SOX6: variants seen among roughly 807,000 people sequenced by gnomAD.
The protein encoded by SOX6 is transcription factor SOX-6.
Under a neutral mutation model 97.8 loss-of-function variants are expected in SOX6, and 11 were observed. The ratio of observed to expected loss-of-function variants is 0.11; its 90% CI spans 0.07 to 0.19. The LOEUF (loss-of-function observed/expected upper bound fraction) is 0.19, where lower values mean the gene tolerates loss of function less well. Among genes scored for constraint, SOX6 ranks in the 10% least tolerant of loss-of-function variants. The pLI is 1.00. For synonymous variants in SOX6, 360 were observed against 371.4 expected, an observed-to-expected ratio of 0.97 and a Z score of 0.35; for missense variants, 810 against 1,039.5, an observed-to-expected ratio of 0.78 and a Z score of 3.04.
intron 3 of SOX6, chr11:16,315,834 ATTC>A (rs1237240295): frequency 1.3e-5 from 2 of 152,116 alleles, no homozygotes; most frequent in East Asian, 1.9e-4. Flanking sequence ...TCCTTCAACC[ATTC>A]TTCTTCTTAT....
chr11:16,373,828 GAA>G (rs1857561717), intron 1 of SOX6, among the ~76,000 whole-genome samples: 1 of 14,592 alleles, frequency 6.9e-5, no homozygotes, highest in African/African-American at 3.3e-4. Context: ...AGAGAGGAAG[GAA>G]GGAAGGAAGG....
intron 3 of SOX6, among the ~76,000 whole-genome samples, chr11:16,236,629 T>A (rs562424278): frequency 6.6e-6 from 1 of 152,090 alleles, no homozygotes; most frequent in Non-Finnish European, 1.5e-5. Flanking sequence ...AGTATAGTAG[T>A]CAAAGATAAA....
intron 4 of SOX6, among the ~76,000 whole-genome samples, chr11:16,553,786 T>C (rs1847717825): frequency 1.3e-5 from 2 of 152,114 alleles, no homozygotes; most frequent in Admixed American, 1.3e-4. Flanking sequence ...AAAGACGGGA[T>C]AGATGAGTTT....
intron 4 of SOX6, among the ~76,000 whole-genome samples, chr11:16,579,484 C>T (rs1037302270): frequency 2.0e-5 from 3 of 152,038 alleles, no homozygotes; most frequent in Admixed American, 6.6e-5. Flanking sequence ...TGACTTCTAT[C>T]ATTGTAAAGT....
intron 1 of SOX6, among the ~76,000 whole-genome samples, chr11:16,363,997 C>T (rs998135867): frequency 6.6e-5 from 10 of 152,064 alleles, no homozygotes; most frequent in African/African-American, 2.2e-4. Context: ...CTAACTTCCT[C>T]GATGGTAGGA....
intron 3 of SOX6, among the ~76,000 whole-genome samples, chr11:16,637,693 T>C (rs1171491579): frequency 6.6e-6 from 1 of 152,154 alleles, no homozygotes; most frequent in East Asian, 1.9e-4. Context: ...CATCTAAGAA[T>C]GAGGGTGGGT....
rs144414228 is a variant in SOX6, at chr11:16,688,472, C to T, written n.429+26358G>A. ...TGTTCATTTTTTTCTGGTCATTTTT[C>T]GCTGTGTGTTTCATTTTGTTGAGTT... On this transcript the variant is annotated intron_variant and non_coding_transcript_variant, in intron 3 of 5. Transcript: ENST00000524520. Among the ~76,000 whole-genome samples, 320 of 152,158 alleles carry T rather than the reference C, an allele frequency of 2.1e-3. 2 individuals carry two copies. The highest frequency in any genetic ancestry group is 7.3e-3 in the African/African-American group (303 of 41,524).
At chr11:16,239,293 A>G (rs1406077712) in intron 3 of SOX6, among the ~76,000 whole-genome samples, 1 of 151,966 alleles carries the variant, frequency 6.6e-6, no homozygotes, top group Non-Finnish European at 1.5e-5. Flanking sequence ...ACGACTGCTC[A>G]TGCTCTTCTC....
chr11:15,971,392 G>A lies in SOX6; in HGVS notation c.*1417C>T, dbSNP rs1481903312. 1.3e-5 allele frequency: 2 copies of A among 152,646 alleles called. No homozygotes were observed. The highest frequency in any genetic ancestry group is 4.8e-5 in the African/African-American group (2 of 41,448). 9.5% of individuals were successfully genotyped at this position (152,646 alleles called of 1,614,324 possible). On this transcript the variant is annotated 3_prime_UTR_variant, in exon 16 of 16. Transcript: ENST00000683767. ...GACAGCTTCACTGAGATTCCTGCAT[G>A]GCCCACGAGCCTTGGGCTTCAGGTT...
intron 4 of SOX6, among the ~76,000 whole-genome samples, chr11:16,205,333 C>T (rs970668777): frequency 1.3e-5 from 2 of 152,016 alleles, no homozygotes; most frequent in African/African-American, 4.8e-5. Flanking sequence ...CTTCAATGCC[C>T]ATCACTGATC....
intron 1 of SOX6, among the ~76,000 whole-genome samples, chr11:16,436,786 G>A (rs766369490): frequency 1.3e-5 from 2 of 152,046 alleles, no homozygotes; most frequent in Admixed American, 6.6e-5. Context: ...ATGACACTTC[G>A]CTCTCATTTT....
At chr11:16,137,804 C>A (rs1468190966) in intron 6 of SOX6, among the ~76,000 whole-genome samples, 1 of 152,116 alleles carries the variant, frequency 6.6e-6, no homozygotes, top group Non-Finnish European at 1.5e-5. Flanking sequence ...TTCCCCCCAT[C>A]CTGTTCTGGT....
chr11:16,236,626 T>C (rs1459421842), intron 3 of SOX6, among the ~76,000 whole-genome samples: 1 of 152,018 alleles, frequency 6.6e-6, no homozygotes, highest in Admixed American at 6.6e-5. Context: ...TATAGTATAG[T>C]AGTCAAAGAT....
chr11:16,581,019 A>T (rs1361534106), intron 4 of SOX6, among the ~76,000 whole-genome samples: 1 of 152,178 alleles, frequency 6.6e-6, no homozygotes, highest in Non-Finnish European at 1.5e-5. Flanking sequence ...TAGTTCAACC[A>T]CTGTGGAAGA....
rs368642154 is a variant in SOX6 at position 16,526,514 on chromosome 11, A to G, written n.610-50126T>C. On this transcript the variant is annotated intron_variant and non_coding_transcript_variant, in intron 4 of 5. Coordinates refer to the SOX6 transcript ENST00000524520. ...GGGGGGAGTGGGGAGGGATAGCATT[A>G]GGAGATATACCTAATGCTAAATGAT... Among the ~76,000 whole-genome samples, 7 of 152,194 alleles carry G rather than the reference A, an allele frequency of 4.6e-5. No individual in the cohort carries two copies. In the East Asian group the frequency reaches 9.7e-4, roughly 21 times the overall value.
At chr11:16,015,471 G>A in intron 12 of SOX6, 2 of 181,936 alleles carry the variant, frequency 1.1e-5, no homozygotes, top group East Asian at 2.9e-4. Context: ...TGGTATTCCT[G>A]GGGAAATACA....
At chr11:16,253,102 C>A (rs181563263) in intron 3 of SOX6, among the ~76,000 whole-genome samples, 29 of 152,252 alleles carry the variant, frequency 1.9e-4, no homozygotes, top group Middle Eastern at 3.4e-3. Context: ...AATCCCAGCA[C>A]TTTGGGAGGC....
chr11:16,359,307 G>A (rs1054857363), upstream of SOX6, among the ~76,000 whole-genome samples: 1 of 152,076 alleles, frequency 6.6e-6, no homozygotes, highest in Non-Finnish European at 1.5e-5. Context: ...GAACTATGGA[G>A]TGCATGGTGG....
At chr11:16,331,197 T>C (rs142658782) in intron 2 of SOX6, among the ~76,000 whole-genome samples, 11 of 152,338 alleles carry the variant, frequency 7.2e-5, no homozygotes, top group African/African-American at 2.4e-4. Context: ...TGTTGTTGTT[T>C]TTGTAATAAG....
Sources: allele counts gnomAD v4.1 joint callset (sites outside exome capture counted in the v4.1 genomes callset), GRCh38; gene constraint gnomAD v4.1.1; transcripts MANE v1.5; gene names NCBI Gene and HGNC (gene_info 2026-07-23, HGNC 2026-07-21).